SCRG1: variants seen among roughly 807,000 people sequenced by gnomAD.
The protein encoded by SCRG1 is scrapie-responsive protein 1.
SCRG1 carries 3 observed loss-of-function variants against 7.7 expected under a neutral mutation model. The observed-to-expected ratio is 0.39, with a 90% CI of 0.18 to 1.01. The LOEUF (loss-of-function observed/expected upper bound fraction) is 1.01, where lower values mean the gene tolerates loss of function less well. SCRG1 is among the 50% of genes least tolerant of loss of function. SCRG1 has a pLI of 0.36. For missense variants in SCRG1, 110 were observed against 117.2 expected (o/e 0.94, Z 0.28); for synonymous variants, 46 against 41.2 (o/e 1.12, Z -0.44).
At chr4:173,443,720 A>T in the SCRG1 span, among the ~76,000 whole-genome samples, 1 of 151,668 alleles carries the variant, frequency 6.6e-6, no homozygotes, top group African/African-American at 2.4e-5. Flanking sequence ...TTTTTAAGAG[A>T]AGGGGTCTTG....
Position 173,391,377 on chromosome 4 carries a change from G to T in SCRG1, c.38C>A (p.Thr13Asn), listed in dbSNP as rs769652936. Residue 13 changes from threonine to asparagine, a missense_variant, in exon 2 of 3, where the codon ACT (threonine) becomes AAT (asparagine). Thr to Asn is a moderately conservative substitution (Grantham distance 65). Transcript: ENST00000296506. ...LMVLVFTIGL[T>N]LLLGVQAMPA... ...CATGGCTTGAACTCCTAGCAGCAAA[G>T]TTAGCCCAATGGTGAAAACAAGTAC... 1.2e-6 allele frequency: 2 copies of T among 1,614,196 alleles called. No individual in the cohort carries two copies. Among genetic ancestry groups the T allele is most frequent in the South Asian group, 1.1e-5 (1 of 91,090 alleles).
the SCRG1 span, among the ~76,000 whole-genome samples, chr4:173,514,091 GT>G: frequency 6.6e-6 from 1 of 152,120 alleles, no homozygotes; most frequent in African/African-American, 2.4e-5. Flanking sequence ...ATAACTTTCT[GT>G]TTTGCTCAAT....
chr4:173,464,201 T>C, the SCRG1 span, among the ~76,000 whole-genome samples: 2 of 152,204 alleles, frequency 1.3e-5, no homozygotes, highest in Non-Finnish European at 2.9e-5. Flanking sequence ...AAAATCACTT[T>C]TATTTCAACC....
chr4:173,443,810 C>T, the SCRG1 span, among the ~76,000 whole-genome samples: 476 of 152,248 alleles, frequency 3.1e-3, 3 homozygotes, highest in Admixed American at 6.9e-3. Context: ...GGACTATAGG[C>T]TTGCGTCACT....
the SCRG1 span, among the ~76,000 whole-genome samples, chr4:173,482,312 A>G: frequency 6.6e-6 from 1 of 152,006 alleles, no homozygotes; most frequent in Admixed American, 6.6e-5. Context: ...TAGGTTAGAG[A>G]CTCTTAACTT....
the SCRG1 span, among the ~76,000 whole-genome samples, chr4:173,474,490 CAG>C: frequency 3.7e-4 from 56 of 152,086 alleles, no homozygotes; most frequent in African/African-American, 1.4e-3. Flanking sequence ...GAAAAAGAGT[CAG>C]AAATTCTTTA....
chr4:173,495,013 G>C, the SCRG1 span, among the ~76,000 whole-genome samples: 1 of 152,200 alleles, frequency 6.6e-6, no homozygotes, highest in African/African-American at 2.4e-5. Flanking sequence ...GCGTTGGAAA[G>C]GAGTCAGGTT....
the SCRG1 span, among the ~76,000 whole-genome samples, chr4:173,477,216 T>G: frequency 6.6e-6 from 1 of 152,116 alleles, no homozygotes; most frequent in Non-Finnish European, 1.5e-5. Context: ...GTCTCATATC[T>G]TACTGCAACT....
chr4:173,491,924 G>A, the SCRG1 span, among the ~76,000 whole-genome samples: 1 of 152,134 alleles, frequency 6.6e-6, no homozygotes, highest in South Asian at 2.1e-4. Context: ...GAGCCCAGGA[G>A]TTTGAGACAA....
At chr4:173,402,606 ACATG>A (rs1739790275), upstream of SCRG1, among the ~76,000 whole-genome samples, 1 of 152,166 alleles carries the variant, frequency 6.6e-6, no homozygotes, top group Non-Finnish European at 1.5e-5. Flanking sequence ...AAAAAATGGA[ACATG>A]CATTAGTTCT....
chr4:173,432,049 G>A, the SCRG1 span, among the ~76,000 whole-genome samples: 1 of 152,174 alleles, frequency 6.6e-6, no homozygotes, highest in African/African-American at 2.4e-5. Context: ...CCAACTTAGA[G>A]GTAAAAGCCA....
chr4:173,459,585 T>C, the SCRG1 span, among the ~76,000 whole-genome samples: 1 of 152,130 alleles, frequency 6.6e-6, no homozygotes, highest in South Asian at 2.1e-4. Flanking sequence ...ACGCAACATA[T>C]CCGAATTTAT....
chr4:173,427,474 A>G, the SCRG1 span, among the ~76,000 whole-genome samples: 1 of 152,258 alleles, frequency 6.6e-6, no homozygotes. Context: ...TTGTACAATG[A>G]CCAAAGATCT....
upstream of SCRG1, among the ~76,000 whole-genome samples, chr4:173,401,595 AT>A (rs1449982387): frequency 1.3e-5 from 2 of 152,072 alleles, no homozygotes; most frequent in Admixed American, 1.3e-4. Context: ...AAAATAGTTG[AT>A]TCATTTTTAT....
chr4:173,487,704 C>A, the SCRG1 span, among the ~76,000 whole-genome samples: 1 of 152,088 alleles, frequency 6.6e-6, no homozygotes, highest in Non-Finnish European at 1.5e-5. Context: ...ATCATATACA[C>A]CACATATTTG....
At chr4:173,512,919 T>C in the SCRG1 span, among the ~76,000 whole-genome samples, 19 of 152,250 alleles carry the variant, frequency 1.2e-4, no homozygotes, top group East Asian at 3.7e-3. Context: ...AAGGGCAAAA[T>C]GCCTGGAGTC....
the SCRG1 span, among the ~76,000 whole-genome samples, chr4:173,451,142 G>A: frequency 6.6e-6 from 1 of 151,792 alleles, no homozygotes; most frequent in Non-Finnish European, 1.5e-5. Flanking sequence ...CTAGAAGTCA[G>A]GCAGAGATTC....
At chr4:173,483,769 G>C in the SCRG1 span, among the ~76,000 whole-genome samples, 2 of 18,442 alleles carry the variant, frequency 1.1e-4, 1 homozygote, top group Non-Finnish European at 2.4e-4. Flanking sequence ...TCATATATAT[G>C]ATATATGATA....
At chr4:173,417,155 C>T in the SCRG1 span, among the ~76,000 whole-genome samples, 1 of 151,052 alleles carries the variant, frequency 6.6e-6, no homozygotes, top group South Asian at 2.1e-4. Flanking sequence ...CAGACAGACA[C>T]ACACACACAG....
Sources: allele counts gnomAD v4.1 joint callset (sites outside exome capture counted in the v4.1 genomes callset), GRCh38; gene constraint gnomAD v4.1.1; transcripts MANE v1.5; gene names NCBI Gene and HGNC (gene_info 2026-07-23, HGNC 2026-07-21).